Variants in POU2AF1 observed in about 807,000 individuals in gnomAD.
POU2AF1 encodes the protein POU class 2 homeobox associating factor 1.
POU2AF1 carries 12 observed loss-of-function variants against 26.3 expected under a neutral mutation model. That is an observed-to-expected ratio of 0.46 (90% CI 0.29 to 0.74). The LOEUF (loss-of-function observed/expected upper bound fraction) is 0.74. Among genes scored for constraint, POU2AF1 ranks in the 30% least tolerant of loss-of-function variants. The pLI is 0.09. For missense variants in POU2AF1, 297 were observed against 334.5 expected, an observed-to-expected ratio of 0.89 and a Z score of 0.87; for synonymous variants, 175 against 148.0, an observed-to-expected ratio of 1.18 and a Z score of -1.32.
intron 1 of POU2AF1, chr11:111,377,868 G>A (rs1861339075): frequency 5.5e-6 from 1 of 182,000 alleles, no homozygotes; most frequent in Non-Finnish European, 1.2e-5. Context: ...GGGAAGAGTG[G>A]CGTGCCAACA....
In POU2AF1 at chr11:111,358,844, G is replaced by A; in HGVS notation, c.91C>T (p.Leu31=). ...GVRVKEPVKE[L]LRRKRGHASS... ...GCGTGGCCTCGCTTCCTCCTCAGCA[G>A]TTCCTTCACTGGCTCCTTCACACGG... The change falls in exon 2 of 5, where the codon CTG becomes TTG. Residue 31 remains leucine, a synonymous_variant. Coordinates refer to ENST00000393067, the MANE Select transcript of POU2AF1 (RefSeq NM_006235.3). 6.2e-7 allele frequency: 1 copy of A among 1,609,256 alleles called. No homozygotes were observed.
At position 111,352,395 on chromosome 11, in the gene POU2AF1, G is replaced by A. The variant is rs1860741387; in HGVS notation, c.*1866C>T. 5.3e-6 allele frequency: 1 copy of A among 187,100 alleles called. No individual in the cohort carries two copies. Among genetic ancestry groups the A allele is most frequent in the East Asian group, 8.5e-5 (1 of 11,758 alleles). The allele number at this position is 187,100 out of a possible 1,614,324, so 11.6% of individuals were successfully genotyped here. Reference sequence around the variant, plus strand: ...GAAATGTCTGCTTAATAGTGACGATGGTGCTATTAGCAGGTGGGTGAGCCA... The same window carrying A: ...GAAATGTCTGCTTAATAGTGACGATAGTGCTATTAGCAGGTGGGTGAGCCA... On this transcript the variant is annotated 3_prime_UTR_variant, in exon 5 of 5. Transcript: ENST00000393067.
intron 2 of POU2AF1, 26 bp downstream of exon 2, chr11:111,358,762 A>T: frequency 6.4e-7 from 1 of 1,554,804 alleles, no homozygotes; most frequent in South Asian, 1.2e-5. Context: ...ACACACACTC[A>T]CACTCTCACA....
At chr11:111,369,730 G>A (rs1234639983) in intron 1 of POU2AF1, among the ~76,000 whole-genome samples, 2 of 152,136 alleles carry the variant, frequency 1.3e-5, no homozygotes, top group African/African-American at 2.4e-5. Flanking sequence ...AGGTGAATGA[G>A]GAGAGTCCAC....
chr11:111,375,516 C>T (rs966227751), intron 1 of POU2AF1, among the ~76,000 whole-genome samples: 1 of 150,532 alleles, frequency 6.6e-6, no homozygotes, highest in Admixed American at 6.7e-5. Flanking sequence ...CCTGCCTCAG[C>T]CTCCCGAGTA....
At chr11:111,363,217 C>T (rs928020176) in intron 1 of POU2AF1, 3 of 1,017,340 alleles carry the variant, frequency 2.9e-6, no homozygotes, top group Non-Finnish European at 3.5e-6. Context: ...ACAGCTCCCA[C>T]GGGTCTCCTG....
At chr11:111,358,722 T>G in intron 2 of POU2AF1, 66 bp downstream of exon 2, 9 of 1,514,396 alleles carry the variant, frequency 5.9e-6, no homozygotes, top group Non-Finnish European at 7.1e-6. Context: ...ACTCTCACAC[T>G]ATCCCTGACA....
intron 1 of POU2AF1, among the ~76,000 whole-genome samples, chr11:111,375,565 AT>A (rs1861294966): frequency 1.3e-5 from 2 of 151,310 alleles, no homozygotes; most frequent in African/African-American, 2.4e-5. Flanking sequence ...ACCCCAGCTA[AT>A]TTTTTTGTAT....
Position 111,352,415 on chromosome 11 carries a change from G to A in POU2AF1, c.*1846C>T, listed in dbSNP as rs1450252439. 5.3e-6 allele frequency: 1 copy of A among 187,384 alleles called. No homozygotes were observed. Among genetic ancestry groups the A allele is most frequent in the African/African-American group, 2.3e-5 (1 of 42,714 alleles). The allele number at this position is 187,384 out of a possible 1,614,324, so 11.6% of individuals were successfully genotyped here. On this transcript the variant is annotated 3_prime_UTR_variant, in exon 5 of 5. Coordinates refer to ENST00000393067, the MANE Select transcript of POU2AF1 (RefSeq NM_006235.3). ...ACGATGGTGCTATTAGCAGGTGGGT[G>A]AGCCAGTTCCCAAGGTACACGTTCA... is the stretch of plus-strand genomic sequence containing the variant.
At chr11:111,369,703 TACCGTCCCAGACCAGA>T (rs1861172057) in intron 1 of POU2AF1, among the ~76,000 whole-genome samples, 2 of 152,164 alleles carry the variant, frequency 1.3e-5, no homozygotes, top group Admixed American at 1.3e-4. Context: ...GCTCCAGACC[TACCGTCCCAGACCAGA>T]AGGTGAATGA....
chr11:111,357,499 C>T lies in POU2AF1; in HGVS notation c.402G>A (p.Val134=), dbSNP rs1860870494. 3 of 1,614,102 alleles carry T rather than the reference C, an allele frequency of 1.9e-6. No individual in the cohort carries two copies. Among genetic ancestry groups the T allele is most frequent in the Non-Finnish European group, 2.5e-6 (3 of 1,180,002 alleles). ...CATAGGTCAACACTGAGGAGGGCCC[C>T]ACCACCGTGTAGCTGGGGCACACGG... ...VQPVCPSYTV[V]GPSSVLTYAS... The change falls in exon 4 of 5, where the codon GTG becomes GTA. Residue 134 remains valine, a synonymous_variant. Transcript: ENST00000393067.
At chr11:111,366,844 T>C (rs980242147) in intron 1 of POU2AF1, among the ~76,000 whole-genome samples, 1 of 152,102 alleles carries the variant, frequency 6.6e-6, no homozygotes, top group African/African-American at 2.4e-5. Flanking sequence ...GCCAAGTGAT[T>C]CCTACTTAAC....
intron 2 of POU2AF1, among the ~76,000 whole-genome samples, 196 bp downstream of exon 2, chr11:111,358,586 TCACACA>T (rs566781352): frequency 8.6e-6 from 1 of 116,246 alleles, no homozygotes; most frequent in African/African-American, 2.8e-5. Context: ...TCACACTCCC[TCACACA>T]CACATACACT....
chr11:111,362,262 G>C (rs1861024903), intron 1 of POU2AF1, among the ~76,000 whole-genome samples: 1 of 152,062 alleles, frequency 6.6e-6, no homozygotes, highest in African/African-American at 2.4e-5. Context: ...ATCACATCAG[G>C]GTAAATAAAG....
intron 4 of POU2AF1, among the ~76,000 whole-genome samples, chr11:111,356,750 C>A (rs2135108390): frequency 6.6e-6 from 1 of 152,266 alleles, no homozygotes; most frequent in East Asian, 1.9e-4. Context: ...TTAGTGGTTT[C>A]TGTATGCCAG....
intron 1 of POU2AF1, among the ~76,000 whole-genome samples, chr11:111,378,290 T>A (rs1861347923): frequency 6.6e-6 from 1 of 152,212 alleles, no homozygotes; most frequent in African/African-American, 2.4e-5. Flanking sequence ...GAACCAAGAA[T>A]CTTTAAGAGA....
At chr11:111,362,540 C>T (rs557075744) in intron 1 of POU2AF1, among the ~76,000 whole-genome samples, 41 of 152,312 alleles carry the variant, frequency 2.7e-4, no homozygotes, top group Admixed American at 2.3e-3. Context: ...TTTGTAGTTC[C>T]CACATACAAG....
Position 111,357,515 on chromosome 11 carries a change from G to C in POU2AF1, c.386C>G (p.Pro129Arg), listed in dbSNP as rs1180463239. Residue 129 changes from proline (P) to arginine (R), a missense_variant, in exon 4 of 5, where the codon CCC becomes CGC. Physicochemically the swap from Pro to Arg is moderately radical, Grantham distance 103. Transcript: ENST00000393067. ...SADMYVQPVC[P>R]SYTVVGPSSV... is the part of the protein sequence containing the mutation. ...GGAGGGCCCCACCACCGTGTAGCTGGGGCACACGGGCTGCACATACATGTC... is the reference window on the plus strand; with the variant it reads ...GGAGGGCCCCACCACCGTGTAGCTGCGGCACACGGGCTGCACATACATGTC... 1 of 1,614,110 alleles carries C rather than the reference G, an allele frequency of 6.2e-7. No homozygotes were observed. The highest frequency in any genetic ancestry group is 2.2e-5 in the East Asian group (1 of 44,864).
intron 1 of POU2AF1, among the ~76,000 whole-genome samples, chr11:111,369,912 T>C (rs903935672): frequency 3.3e-5 from 5 of 152,206 alleles, no homozygotes; most frequent in Admixed American, 3.3e-4. Context: ...CAGATGGATA[T>C]CCGATTTTTT....
Sources: gnomAD v4.1 joint callset for allele counts (sites outside exome capture counted in the v4.1 genomes callset) on GRCh38, gnomAD v4.1.1 for gene constraint, MANE v1.5 for transcripts, NCBI Gene and HGNC (gene_info 2026-07-23, HGNC 2026-07-21) for gene names.